Variants in SPATA16 observed in about 807,000 individuals in gnomAD.
SPATA16 encodes spermatogenesis-associated protein 16.
In SPATA16, 36 loss-of-function variants were observed where a neutral mutation model predicts 63.3. The ratio of observed to expected loss-of-function variants is 0.57; its 90% CI spans 0.44 to 0.75. The LOEUF is 0.75. Among genes scored for constraint, SPATA16 ranks in the 30% least tolerant of loss-of-function variants. The probability of loss-of-function intolerance (pLI) is 0.00; values close to 1 mark genes in which losing one functional copy is unlikely to be tolerated. For synonymous variants in SPATA16, 203 were observed against 216.7 expected (o/e 0.94, Z 0.56); for missense variants, 646 against 679.3 (o/e 0.95, Z 0.54).
At chr3:173,015,861 GGT>G (rs57049586) in intron 4 of SPATA16, among the ~76,000 whole-genome samples, 95,458 of 148,730 alleles carry the variant, frequency 0.64, 33,583 homozygotes, top group East Asian at 0.84. Context: ...TCCCAAATGG[GGT>G]GTGTGTGTGT....
intron 6 of SPATA16, among the ~76,000 whole-genome samples, chr3:172,946,856 A>G (rs906310007): frequency 6.6e-6 from 1 of 152,176 alleles, no homozygotes; most frequent in Non-Finnish European, 1.5e-5. Flanking sequence ...TATAGGTGGT[A>G]GCCAGGTAGT....
rs765952806 is a variant in SPATA16 at position 172,916,486 on chromosome 3, T to C, written c.1339-5A>G. 6.2e-7 allele frequency: 1 copy of C among 1,613,396 alleles called. No individual in the cohort carries two copies. The highest frequency in any genetic ancestry group is 8.5e-7 in the Non-Finnish European group (1 of 1,179,582). ...TGAGGATGCAGGAAAACTCCCCTAGTCTCAAAGTAAAAGAAATGTTTTAGA... is the reference window on the plus strand; with the variant it reads ...TGAGGATGCAGGAAAACTCCCCTAGCCTCAAAGTAAAAGAAATGTTTTAGA... On this transcript the variant is annotated splice_region_variant and splice_polypyrimidine_tract_variant and intron_variant, in intron 8 of 10. Coordinates refer to ENST00000351008, the MANE Select transcript of SPATA16 (RefSeq NM_031955.6).
intron 2 of SPATA16, among the ~76,000 whole-genome samples, chr3:173,105,543 T>C (rs1737599474): frequency 6.6e-6 from 1 of 152,178 alleles, no homozygotes. Flanking sequence ...TTCTCCAAAA[T>C]TCTTTCCTCA....
chr3:172,936,016 T>C (rs372364765), intron 6 of SPATA16, among the ~76,000 whole-genome samples: 1 of 152,062 alleles, frequency 6.6e-6, no homozygotes, highest in African/African-American at 2.4e-5. Context: ...CACATAAGAG[T>C]GGAAAAACAC....
chr3:172,954,123 C>T (rs9857777), intron 6 of SPATA16, among the ~76,000 whole-genome samples: 19,111 of 152,078 alleles, frequency 0.13, 1,729 homozygotes, highest in African/African-American at 0.25. Flanking sequence ...TTTGTTCTCA[C>T]GGTGCTAATA....
At chr3:173,091,486 T>G (rs1251193688) in intron 2 of SPATA16, among the ~76,000 whole-genome samples, 1 of 152,142 alleles carries the variant, frequency 6.6e-6, no homozygotes, top group African/African-American at 2.4e-5. Flanking sequence ...ATTATCTGTT[T>G]GTATCAGGAC....
intron 2 of SPATA16, among the ~76,000 whole-genome samples, chr3:173,105,771 C>T (rs1381073283): frequency 2.7e-5 from 4 of 150,742 alleles, no homozygotes; most frequent in African/African-American, 9.8e-5. Flanking sequence ...TTTCCTCCCT[C>T]CCTCCCTGTC....
intron 4 of SPATA16, among the ~76,000 whole-genome samples, chr3:173,006,873 G>T (rs1734957098): frequency 6.6e-6 from 1 of 152,046 alleles, no homozygotes; most frequent in Non-Finnish European, 1.5e-5. Context: ...ATAAGCTGCT[G>T]CTTGGCAAAA....
chr3:173,009,601 GCCC>G, intron 4 of SPATA16, among the ~76,000 whole-genome samples: 1 of 152,354 alleles, frequency 6.6e-6, no homozygotes, highest in East Asian at 1.9e-4. Context: ...TCTTTCGCAT[GCCC>G]TTAGGATAGC....
Position 173,123,962 on chromosome 3 carries a change from G to A in SPATA16, c.-18-6213C>T, listed in dbSNP as rs537890302. ...TAGCTGCAAATGTAATTATGGCCCT[G>A]CTATATTGCAGCCGTCATTAGATGC... On this transcript the variant is annotated intron_variant, in intron 1 of 10. Transcript: ENST00000351008. Among the ~76,000 whole-genome samples, 3 of 152,184 alleles carry A rather than the reference G, an allele frequency of 2.0e-5. No homozygotes were observed. The East Asian group carries it at 5.8e-4, about 29-fold the overall frequency.
Position 172,943,187 on chromosome 3 carries a change from C to T in SPATA16, c.1081+13490G>A, listed in dbSNP as rs1393785573. On this transcript the variant is annotated intron_variant, in intron 6 of 10. Coordinates refer to ENST00000351008, the MANE Select transcript of SPATA16 (RefSeq NM_031955.6). ...AATATAAGAGCAGAAAGGAGTTAAA[C>T]GTAAGAAAAAGGATGCAATAGAAAG... Among the ~76,000 whole-genome samples the T allele has an allele frequency of 2.6e-5, 4 of 152,000 alleles. No individual in the cohort carries two copies. The East Asian group carries it at 5.8e-4, about 22-fold the overall frequency.
chr3:172,897,552 A>G (rs1020709168), intron 10 of SPATA16, among the ~76,000 whole-genome samples: 16 of 152,120 alleles, frequency 1.1e-4, no homozygotes, highest in African/African-American at 3.9e-4. Context: ...GAGCAATTGT[A>G]AATAATACTG....
intron 2 of SPATA16, among the ~76,000 whole-genome samples, chr3:173,071,796 GC>G (rs1246269507): frequency 6.6e-6 from 1 of 152,030 alleles, no homozygotes; most frequent in African/African-American, 2.4e-5. Context: ...CTTTTATCTG[GC>G]CAAAAAACAT....
chr3:172,903,516 A>G (rs911435021), intron 10 of SPATA16, among the ~76,000 whole-genome samples: 4 of 152,140 alleles, frequency 2.6e-5, no homozygotes, highest in African/African-American at 9.7e-5. Flanking sequence ...TAAAACTTGG[A>G]GGGGTTATGG....
At chr3:173,006,528 A>C (rs1310014775) in intron 4 of SPATA16, among the ~76,000 whole-genome samples, 1 of 152,228 alleles carries the variant, frequency 6.6e-6, no homozygotes, top group Non-Finnish European at 1.5e-5. Flanking sequence ...GAACTAAGTT[A>C]AACTCTCAAC....
chr3:173,070,337 G>A (rs942551268), intron 2 of SPATA16, among the ~76,000 whole-genome samples: 4 of 150,222 alleles, frequency 2.7e-5, no homozygotes, highest in Non-Finnish European at 4.4e-5. Flanking sequence ...AAAGTTTGCA[G>A]TGAGCTAAGA....
At chr3:173,100,122 T>C (rs1737455266) in intron 2 of SPATA16, among the ~76,000 whole-genome samples, 1 of 152,160 alleles carries the variant, frequency 6.6e-6, no homozygotes, top group South Asian at 2.1e-4. Context: ...AATAACTCAG[T>C]TTTAAAGTAT....
At chr3:172,997,817 G>A (rs920499242) in intron 4 of SPATA16, among the ~76,000 whole-genome samples, 2 of 152,080 alleles carry the variant, frequency 1.3e-5, no homozygotes, top group African/African-American at 4.8e-5. Context: ...TTTTGCATCT[G>A]CATGTCCAGT....
intron 1 of SPATA16, among the ~76,000 whole-genome samples, chr3:173,128,609 A>G (rs1431619334): frequency 6.6e-6 from 1 of 152,206 alleles, no homozygotes; most frequent in Non-Finnish European, 1.5e-5. Flanking sequence ...TGGTTATGGC[A>G]TATGCTCCGC....
Sources: gnomAD v4.1 joint callset for allele counts (sites outside exome capture counted in the v4.1 genomes callset) on GRCh38, gnomAD v4.1.1 for gene constraint, MANE v1.5 for transcripts, NCBI Gene and HGNC (gene_info 2026-07-23, HGNC 2026-07-21) for gene names.